Variants in PCDH11X observed in about 807,000 individuals in gnomAD.
PCDH11X encodes the protein protocadherin 11 X-linked.
A neutral mutation model predicts 53.3 loss-of-function variants in PCDH11X; 18 were observed. The observed-to-expected ratio is 0.34, with a 90% CI of 0.23 to 0.50. The LOEUF (loss-of-function observed/expected upper bound fraction) is 0.50. Ranked by LOEUF, PCDH11X falls within the 20% of genes least tolerant of loss-of-function variation. PCDH11X has a pLI of 0.98. For missense variants in PCDH11X, 570 were observed against 1,032.4 expected (o/e 0.55, Z 6.14); for synonymous variants, 279 against 393.3 (o/e 0.71, Z 3.44).
chrX:92,100,187 C>T (rs907556915), intron 6 of PCDH11X, among the ~76,000 whole-genome samples: 24 of 111,178 alleles, frequency 2.2e-4, no homozygotes, highest in Non-Finnish European at 3.6e-4. Flanking sequence ...AAGGTACACA[C>T]GAAGAAGCCT....
chrX:92,581,542 C>A (rs2148786789), intron 10 of PCDH11X, among the ~76,000 whole-genome samples: 1 of 111,882 alleles, frequency 8.9e-6, no homozygotes, highest in African/African-American at 3.2e-5. Context: ...TGTGAGGCCT[C>A]CCCAGCCACG....
chrX:92,454,961 G>A (rs1373250743), intron 9 of PCDH11X, among the ~76,000 whole-genome samples: 4 of 109,773 alleles, frequency 3.6e-5, no homozygotes, highest in Non-Finnish European at 7.6e-5. Flanking sequence ...ATATTTTGAG[G>A]AAATGTGTTA....
chrX:92,546,166 C>T (rs1176650463), intron 10 of PCDH11X, among the ~76,000 whole-genome samples: 1 of 110,618 alleles, frequency 9.0e-6, no homozygotes, highest in Non-Finnish European at 1.9e-5. Flanking sequence ...ATCATAGAGT[C>T]CAAGTTCTTT....
At chrX:92,170,886 A>G (rs2065814015) in intron 6 of PCDH11X, among the ~76,000 whole-genome samples, 1 of 85,613 alleles carries the variant, frequency 1.2e-5, no homozygotes, top group Non-Finnish European at 2.5e-5. Context: ...CTCCCTCCCG[A>G]GTTCAAGCAA....
intron 5 of PCDH11X, among the ~76,000 whole-genome samples, chrX:91,839,720 G>T (rs1166175239): frequency 9.0e-6 from 1 of 111,069 alleles, no homozygotes; most frequent in Non-Finnish European, 1.9e-5. Flanking sequence ...TTATTTATGT[G>T]ACTTTGATGC....
At chrX:91,793,248 C>T (rs1354068168) in intron 1 of PCDH11X, among the ~76,000 whole-genome samples, 1 of 107,676 alleles carries the variant, frequency 9.3e-6, no homozygotes, top group Non-Finnish European at 1.9e-5. Flanking sequence ...GTGTCAGAGA[C>T]AATAATAGAT....
At chrX:92,584,223 T>C (rs1027352530) in intron 10 of PCDH11X, among the ~76,000 whole-genome samples, 4 of 110,339 alleles carry the variant, frequency 3.6e-5, no homozygotes, top group African/African-American at 1.3e-4. Context: ...ATTAAGAAGC[T>C]GGAAAAATAA....
At chrX:92,401,205 A>G (rs1835014445) in intron 9 of PCDH11X, among the ~76,000 whole-genome samples, 1 of 106,265 alleles carries the variant, frequency 9.4e-6, no homozygotes, top group African/African-American at 3.5e-5. Context: ...GTAGATTGAT[A>G]ATGTGTCATT....
intron 7 of PCDH11X, among the ~76,000 whole-genome samples, chrX:92,260,054 G>A (rs1462539698): frequency 2.7e-5 from 3 of 109,992 alleles, no homozygotes; most frequent in East Asian, 5.8e-4. Flanking sequence ...TGCAGCCTGG[G>A]GTTAGGGGAT....
At chrX:91,921,436 A>C (rs1650865982) in intron 6 of PCDH11X, among the ~76,000 whole-genome samples, 1 of 108,361 alleles carries the variant, frequency 9.2e-6, no homozygotes, top group African/African-American at 3.4e-5. Flanking sequence ...CTCTGCCATA[A>C]AAATCCTCCA....
chrX:91,836,312 A>G (rs1937299396), intron 5 of PCDH11X, among the ~76,000 whole-genome samples: 1 of 105,693 alleles, frequency 9.5e-6, no homozygotes, highest in Admixed American at 9.8e-5. Flanking sequence ...CCTGCTACTT[A>G]CAAATCAGTA....
At chrX:92,319,807 T>C (rs1195760740) in intron 8 of PCDH11X, among the ~76,000 whole-genome samples, 34 of 112,096 alleles carry the variant, frequency 3.0e-4, no homozygotes, top group Middle Eastern at 4.6e-3. Context: ...CTGCTATTAT[T>C]ATCATCAATG....
chrX:92,149,569 A>C (rs1018792228), intron 6 of PCDH11X, among the ~76,000 whole-genome samples: 3 of 108,766 alleles, frequency 2.8e-5, no homozygotes, highest in Non-Finnish European at 5.7e-5. Context: ...AATTTCAGGA[A>C]TTTTTAATAA....
At chrX:92,286,684 C>T (rs1360755148) in intron 8 of PCDH11X, among the ~76,000 whole-genome samples, 1 of 85,393 alleles carries the variant, frequency 1.2e-5, no homozygotes, top group Non-Finnish European at 2.2e-5. Flanking sequence ...GAGATTATCT[C>T]TTCAAGGATT....
At chrX:92,091,115 A>G (rs1479410207) in intron 6 of PCDH11X, among the ~76,000 whole-genome samples, 1 of 111,560 alleles carries the variant, frequency 9.0e-6, no homozygotes, top group African/African-American at 3.3e-5. Context: ...TTGAGTTGCT[A>G]TCATATTAAC....
At chrX:91,990,253 A>G (rs1463518703) in intron 6 of PCDH11X, among the ~76,000 whole-genome samples, 1 of 109,565 alleles carries the variant, frequency 9.1e-6, no homozygotes, top group Non-Finnish European at 1.9e-5. Flanking sequence ...TAGGATATTT[A>G]ACATATTTGT....
rs148740032 is a variant in PCDH11X at position 92,332,869 on chromosome X, T to C, written c.3145-54866T>C. Among the ~76,000 whole-genome samples the C allele has an allele frequency of 1.6e-3, 177 of 112,001 alleles. 3 individuals carry two copies. The highest frequency in any genetic ancestry group is 0.012 in the East Asian group (44 of 3,521). ...AAAAATGGATGTTTCAGTAGACTGC[T>C]AGCTTATCCTGATGCATATTAAAGT... On this transcript the variant is annotated intron_variant, in intron 8 of 10. Coordinates refer to ENST00000682573, the MANE Select transcript of PCDH11X (RefSeq NM_032968.5).
intron 6 of PCDH11X, among the ~76,000 whole-genome samples, chrX:92,189,527 A>G (rs955643675): frequency 9.0e-6 from 1 of 111,631 alleles, no homozygotes; most frequent in African/African-American, 3.3e-5. Flanking sequence ...ATGAACATAC[A>G]TGTGCATGTA....
chrX:92,584,050 A>T (rs1346768539), intron 10 of PCDH11X, among the ~76,000 whole-genome samples: 2 of 111,580 alleles, frequency 1.8e-5, no homozygotes, highest in African/African-American at 6.5e-5. Flanking sequence ...TGAAATAAAT[A>T]AAAAAGTAAG....
Sources: gnomAD v4.1 joint callset for allele counts (sites outside exome capture counted in the v4.1 genomes callset) on GRCh38, gnomAD v4.1.1 for gene constraint, MANE v1.5 for transcripts, NCBI Gene and HGNC (gene_info 2026-07-23, HGNC 2026-07-21) for gene names.